Variants in GLRX3 observed in about 807,000 individuals in gnomAD.
GLRX3 encodes glutaredoxin-3.
In GLRX3, 22 loss-of-function variants were observed where a neutral mutation model predicts 49.5. The ratio of observed to expected loss-of-function variants is 0.44; its 90% CI spans 0.32 to 0.63. GLRX3 has a LOEUF of 0.63. Among genes scored for constraint, GLRX3 ranks in the 30% least tolerant of loss-of-function variants. The pLI, the probability that GLRX3 is intolerant of heterozygous loss-of-function variation, is 0.05. For synonymous variants in GLRX3, 133 were observed against 140.0 expected (o/e 0.95, Z 0.35); for missense variants, 385 against 396.3 (o/e 0.97, Z 0.24).
At chr10:130,175,393 A>G (rs953889682) in intron 10 of GLRX3, among the ~76,000 whole-genome samples, 29 of 152,228 alleles carry the variant, frequency 1.9e-4, no homozygotes, top group African/African-American at 6.7e-4. Flanking sequence ...CCAGACAACA[A>G]ATTGTTTTTT....
intron 10 of GLRX3, among the ~76,000 whole-genome samples, chr10:130,178,898 T>A (rs1862972881): frequency 6.6e-6 from 1 of 152,194 alleles, no homozygotes; most frequent in Non-Finnish European, 1.5e-5. Context: ...GAGACGGGGT[T>A]TCACCATGTT....
intron 6 of GLRX3, among the ~76,000 whole-genome samples, chr10:130,167,457 G>A (rs1349799720): frequency 2.6e-5 from 4 of 152,288 alleles, no homozygotes; most frequent in South Asian, 4.2e-4. Flanking sequence ...TCTAGACCAC[G>A]AGAACTTACA....
At chr10:130,153,457 T>C (rs1862418219) in intron 2 of GLRX3, among the ~76,000 whole-genome samples, 1 of 152,234 alleles carries the variant, frequency 6.6e-6, no homozygotes, top group Non-Finnish European at 1.5e-5. Context: ...TGGTCTTTGA[T>C]GTTGGTGACA....
intron 8 of GLRX3, among the ~76,000 whole-genome samples, chr10:130,174,380 A>T (rs536353006): frequency 1.3e-5 from 2 of 152,396 alleles, no homozygotes; most frequent in Non-Finnish European, 1.5e-5. Context: ...AAGAGTGTTC[A>T]GTTAATGAAG....
chr10:130,137,493 A>T (rs987727358), intron 1 of GLRX3, among the ~76,000 whole-genome samples: 3 of 152,076 alleles, frequency 2.0e-5, no homozygotes, highest in Non-Finnish European at 2.9e-5. Flanking sequence ...ATCCAGTCCC[A>T]CCGCAGCCAC....
At chr10:130,137,758 A>G (rs1862089730) in intron 1 of GLRX3, among the ~76,000 whole-genome samples, 1 of 152,200 alleles carries the variant, frequency 6.6e-6, no homozygotes, top group Non-Finnish European at 1.5e-5. Context: ...TTTTTGAGAC[A>G]GGGTCTGGCT....
rs549935176 is a variant in GLRX3, at chr10:130,139,377, C to T, written c.92+2865C>T. Among the ~76,000 whole-genome samples, 669 of 148,810 alleles carry T rather than the reference C, an allele frequency of 4.5e-3. 5 individuals carry two copies. Among genetic ancestry groups the T allele is most frequent in the South Asian group, 0.028 (130 of 4,610 alleles). On this transcript the variant is annotated intron_variant, in intron 1 of 10. Transcript: ENST00000331244. ...ATATTAGGCCGGGCGCGGTGGCTCA[C>T]GCCTGTAATCCCAGCACTTTGGGAG...
chr10:130,166,804 G>A (rs1862700233), intron 5 of GLRX3, 115 bp from the exon 6 acceptor site: 7 of 900,046 alleles, frequency 7.8e-6, no homozygotes, highest in South Asian at 7.3e-5. Flanking sequence ...AACCTGCAAT[G>A]AATACACAGT....
chr10:130,166,590 C>T lies in GLRX3; in HGVS notation c.562C>T (p.Arg188Ter), dbSNP rs1332279627. 5 of 1,608,734 alleles carry T rather than the reference C, an allele frequency of 3.1e-6. No homozygotes were observed. Among genetic ancestry groups the T allele is most frequent in the African/African-American group, 2.7e-5 (2 of 74,774 alleles). Residue 188 changes from arginine to a stop codon, truncating the protein, a stop_gained, in exon 5 of 11, where the codon CGA (arginine) becomes TGA (stop). Coordinates refer to ENST00000331244, the MANE Select transcript of GLRX3 (RefSeq NM_006541.5). LOFTEE classifies it high-confidence loss of function. ...TGATATCTTCTCAGATGAAGAGGTT[C>T]GACAGGGACTCAAAGCCTATTCCAG... The part of the protein sequence containing the change: ...SFDIFSDEEV[R>*]QGLKAYSSWP...
chr10:130,169,560 A>T, intron 7 of GLRX3, 70 bp downstream of exon 7: 1 of 989,680 alleles, frequency 1.0e-6, no homozygotes, highest in Admixed American at 1.7e-5. Context: ...GGGGACAGTT[A>T]AATCTTTTTC....
intron 2 of GLRX3, among the ~76,000 whole-genome samples, chr10:130,157,719 C>G (rs1052408678): frequency 6.6e-6 from 1 of 151,978 alleles, no homozygotes; most frequent in African/African-American, 2.4e-5. Flanking sequence ...TGATAACATG[C>G]TAAAATTTCG....
intron 6 of GLRX3, 57 bp downstream of exon 6, chr10:130,167,037 A>G (rs751629643): frequency 3.5e-5 from 32 of 919,902 alleles, no homozygotes; most frequent in Non-Finnish European, 4.9e-5. Context: ...AAAATATTTT[A>G]AAGTCCTCAG....
chr10:130,175,371 C>G (rs1862897168), intron 10 of GLRX3, among the ~76,000 whole-genome samples: 1 of 152,178 alleles, frequency 6.6e-6, no homozygotes, highest in Non-Finnish European at 1.5e-5. Flanking sequence ...TTGTTAGATC[C>G]TGCTTCAGCT....
At chr10:130,159,896 C>A in intron 2 of GLRX3, 99 bp from the exon 3 acceptor site, 1 of 1,290,248 alleles carries the variant, frequency 7.8e-7, no homozygotes, top group South Asian at 1.4e-5. Flanking sequence ...TAAAAAATGC[C>A]AGCTACTTGA....
At chr10:130,140,687 C>T (rs1293869099) in intron 1 of GLRX3, among the ~76,000 whole-genome samples, 1 of 152,094 alleles carries the variant, frequency 6.6e-6, no homozygotes, top group South Asian at 2.1e-4. Context: ...TTCTTTTTTA[C>T]TTATTTGGGC....
At chr10:130,151,237 G>C (rs1862371486) in intron 2 of GLRX3, among the ~76,000 whole-genome samples, 1 of 151,946 alleles carries the variant, frequency 6.6e-6, no homozygotes, top group African/African-American at 2.4e-5. Flanking sequence ...TGGTAGAATT[G>C]TTAAATCTTA....
chr10:130,147,871 C>T (rs1241019674), intron 2 of GLRX3, among the ~76,000 whole-genome samples: 2 of 152,142 alleles, frequency 1.3e-5, no homozygotes, highest in Non-Finnish European at 2.9e-5. Flanking sequence ...GCAAAACCAT[C>T]TCTACAAAAG....
At chr10:130,147,042 G>T (rs1862283011) in intron 2 of GLRX3, among the ~76,000 whole-genome samples, 1 of 152,174 alleles carries the variant, frequency 6.6e-6, no homozygotes, top group South Asian at 2.1e-4. Context: ...AATTTTGTAT[G>T]AATCCTTCTA....
intron 3 of GLRX3, 121 bp from the exon 4 acceptor site, chr10:130,160,675 G>T: frequency 1.6e-6 from 1 of 641,460 alleles, no homozygotes; most frequent in Non-Finnish European, 2.8e-6. Context: ...GCAGGCAATT[G>T]GCAATGAGGG....
Sources: allele counts gnomAD v4.1 joint callset (sites outside exome capture counted in the v4.1 genomes callset), GRCh38; gene constraint gnomAD v4.1.1; transcripts MANE v1.5; gene names NCBI Gene and HGNC (gene_info 2026-07-23, HGNC 2026-07-21).